The following ATP10B variants were observed in gnomAD, a reference collection of about 807,000 sequenced individuals.
The protein encoded by ATP10B is phospholipid-transporting ATPase VB.
A neutral mutation model predicts 141.2 loss-of-function variants in ATP10B; 122 were observed. That is an observed-to-expected ratio of 0.86 (90% confidence interval 0.75 to 1.00). The LOEUF (loss-of-function observed/expected upper bound fraction) is 1.00. Ranked by LOEUF, ATP10B falls within the 50% of genes least tolerant of loss-of-function variation. The pLI is 0.00. For missense variants in ATP10B, 1,876 were observed against 1,825.3 expected (o/e 1.03, Z -0.51); for synonymous variants, 685 against 692.0 (o/e 0.99, Z 0.16).
At chr5:160,882,891 A>G in the ATP10B span, among the ~76,000 whole-genome samples, 1 of 152,198 alleles carries the variant, frequency 6.6e-6, no homozygotes, top group Non-Finnish European at 1.5e-5. Flanking sequence ...TCAGAATTCT[A>G]AAACCTAGGG....
intron 22 of ATP10B, among the ~76,000 whole-genome samples, chr5:160,595,974 G>C (rs1310064103): frequency 7.9e-5 from 12 of 152,172 alleles, no homozygotes; most frequent in East Asian, 1.9e-4. Flanking sequence ...CAAGAAGGAA[G>C]TGGTACCATT....
intron 8 of ATP10B, among the ~76,000 whole-genome samples, chr5:160,647,769 T>TC (rs1354056912): frequency 2.6e-5 from 4 of 152,148 alleles, no homozygotes; most frequent in Non-Finnish European, 5.9e-5. Flanking sequence ...AAAGGCCTTT[T>TC]CCCCAGGACC....
At chr5:160,854,339 CCT>C (rs1294850500), upstream of ATP10B, among the ~76,000 whole-genome samples, 3 of 152,100 alleles carry the variant, frequency 2.0e-5, no homozygotes, top group Non-Finnish European at 2.9e-5. Flanking sequence ...CCCCCCAACC[CCT>C]GACAGGCCCC....
At chr5:160,585,472 C>G (rs1229539398) in intron 24 of ATP10B, among the ~76,000 whole-genome samples, 1 of 152,124 alleles carries the variant, frequency 6.6e-6, no homozygotes, top group Non-Finnish European at 1.5e-5. Flanking sequence ...GGCATGGTGG[C>G]ACGCGCCATA....
intron 1 of ATP10B, 50 bp from the exon 2 acceptor site, chr5:160,785,853 A>G (rs1296902305): frequency 3.2e-5 from 10 of 310,932 alleles, no homozygotes; most frequent in Non-Finnish European, 5.2e-5. Flanking sequence ...ATCTCATTTT[A>G]GTATCAGCAA....
intron 12 of ATP10B, 25 bp downstream of exon 12, chr5:160,634,329 A>G: frequency 6.2e-7 from 1 of 1,614,118 alleles, no homozygotes; most frequent in South Asian, 1.1e-5. Context: ...AGAAAGAGGG[A>G]TGGAGCCCTT....
At chr5:160,650,890 C>T (rs189103371) in intron 7 of ATP10B, among the ~76,000 whole-genome samples, 33 of 152,120 alleles carry the variant, frequency 2.2e-4, no homozygotes, top group African/African-American at 8.0e-4. Flanking sequence ...TATTGGGCCA[C>T]GAGAAATAGC....
rs371437832 is a variant in ATP10B, at chr5:160,634,335, C to T, written c.1381+19G>A. On this transcript the variant is annotated intron_variant, in intron 12 of 25. Transcript: ENST00000327245. ...TTTCCTTTTAGAAAGAGGGATGGAG[C>T]CCTTGGGAGCTTCTATACCATTTTC... 97 of 1,613,978 alleles carry T rather than the reference C, an allele frequency of 6.0e-5. No homozygotes were observed. The African/African-American group carries it at 1.2e-3, about 21-fold the overall frequency.
intron 21 of ATP10B, among the ~76,000 whole-genome samples, chr5:160,600,011 C>T (rs575402859): frequency 6.6e-6 from 1 of 152,256 alleles, no homozygotes; most frequent in East Asian, 1.9e-4. Context: ...TAACATATTG[C>T]CACTAGTAGT....
chr5:160,887,116 G>A, the ATP10B span, among the ~76,000 whole-genome samples: 2 of 152,260 alleles, frequency 1.3e-5, no homozygotes, highest in African/African-American at 2.4e-5. Flanking sequence ...TGCTGTTAAG[G>A]CTATGAGGCA....
chr5:160,646,409 T>C (rs769823743), intron 8 of ATP10B, among the ~76,000 whole-genome samples: 1 of 152,244 alleles, frequency 6.6e-6, no homozygotes, highest in Non-Finnish European at 1.5e-5. Flanking sequence ...GATTTCATTG[T>C]ATTAATTTTT....
At chr5:160,634,650 C>G (rs1315955348) in intron 11 of ATP10B, 44 bp from the exon 12 acceptor site, 21 of 1,556,222 alleles carry the variant, frequency 1.3e-5, no homozygotes, top group Admixed American at 1.9e-5. Flanking sequence ...CAGGCAGGTT[C>G]CCTCCCTTGG....
chr5:160,709,181 A>T lies in ATP10B; in HGVS notation c.-205+7728T>A, dbSNP rs1034574954. ...GGTGAGGATTAAAACAAAATACAAG[A>T]GCATATCCTTATGGTCTTGAGGTAG... On this transcript the variant is annotated intron_variant, in intron 3 of 25. Transcript: ENST00000327245. 1.2e-4 allele frequency among the ~76,000 whole-genome samples: 19 copies of T among 152,184 alleles called. 1 individual carries two copies. The highest frequency in any genetic ancestry group is 1.2e-3 in the Admixed American group (18 of 15,282).
intron 19 of ATP10B, among the ~76,000 whole-genome samples, chr5:160,605,054 AAAT>A (rs1436849472): frequency 4.6e-5 from 7 of 152,194 alleles, no homozygotes; most frequent in African/African-American, 1.7e-4. Context: ...AAAAATAGAA[AAAT>A]AATTCTTAGT....
At chr5:160,849,827 AAAG>A (rs1173559933) in intron 1 of ATP10B, among the ~76,000 whole-genome samples, 6 of 152,198 alleles carry the variant, frequency 3.9e-5, no homozygotes, top group African/African-American at 7.2e-5. Flanking sequence ...TAAAAAATGA[AAAG>A]AAGAAAAGGC....
intron 15 of ATP10B, among the ~76,000 whole-genome samples, chr5:160,619,659 CTT>C (rs563553935): frequency 1.4e-4 from 21 of 152,270 alleles, no homozygotes; most frequent in African/African-American, 4.8e-4. Context: ...CCATAACTGT[CTT>C]CTCCTTGTTA....
intron 2 of ATP10B, among the ~76,000 whole-genome samples, chr5:160,779,570 T>C (rs1015421158): frequency 1.4e-4 from 21 of 152,166 alleles, no homozygotes; most frequent in African/African-American, 4.8e-4. Flanking sequence ...CTAATCACCA[T>C]GTCAGTGAGC....
intron 1 of ATP10B, among the ~76,000 whole-genome samples, chr5:160,824,843 T>C (rs1774454892): frequency 1.3e-5 from 2 of 152,164 alleles, no homozygotes; most frequent in African/African-American, 2.4e-5. Context: ...GAGAAGGCAC[T>C]AGCCTGGGTG....
At chr5:160,804,704 T>G (rs759197091) in intron 1 of ATP10B, among the ~76,000 whole-genome samples, 9 of 152,202 alleles carry the variant, frequency 5.9e-5, no homozygotes, top group African/African-American at 9.7e-5. Context: ...ATTCAGTCAT[T>G]TTGAGTTCAA....
Sources: gnomAD v4.1 joint callset for allele counts (sites outside exome capture counted in the v4.1 genomes callset) on GRCh38, gnomAD v4.1.1 for gene constraint, MANE v1.5 for transcripts, NCBI Gene and HGNC (gene_info 2026-07-23, HGNC 2026-07-21) for gene names.